The following BMP7 variants were observed in gnomAD, a reference collection of about 807,000 sequenced individuals.
BMP7 encodes the protein osteogenic protein 1.
Under a neutral mutation model 41.2 loss-of-function variants are expected in BMP7, and 12 were observed. The observed-to-expected ratio is 0.29, with a 90% CI of 0.19 to 0.47. The LOEUF (loss-of-function observed/expected upper bound fraction) is 0.47. Among genes scored for constraint, BMP7 ranks in the 20% least tolerant of loss-of-function variants. The probability of loss-of-function intolerance (pLI) is 0.99; values close to 1 mark genes in which losing one functional copy is unlikely to be tolerated. For missense variants in BMP7, 467 were observed against 606.0 expected (o/e 0.77, Z 2.41); for synonymous variants, 248 against 250.0 (o/e 0.99, Z 0.07).
At chr20:57,216,476 C>G (rs1022985676) in intron 2 of BMP7, among the ~76,000 whole-genome samples, 6 of 151,908 alleles carry the variant, frequency 3.9e-5, no homozygotes, top group Admixed American at 2.6e-4. Flanking sequence ...AGGGGTGCAC[C>G]TGAGGACGAG....
chr20:57,174,874 T>G lies in BMP7; in HGVS notation c.1035+57A>C, dbSNP rs1983887079. The G allele has an allele frequency of 1.3e-6, 2 of 1,547,918 alleles. No individual in the cohort carries two copies. The highest frequency in any genetic ancestry group is 2.3e-5 in the East Asian group (1 of 43,112). On this transcript the variant is annotated intron_variant, in intron 5 of 6. Coordinates refer to ENST00000395863, the MANE Select transcript of BMP7 (RefSeq NM_001719.3). This position sits in a 1 kb window ranked among gnomAD's most constrained non-coding sequence, Gnocchi z 4.3. ...CAAGACTGAGCACAGACCCGCTGCCTCGTGGGAGCCCACGCCAGAGGGCCC... is the reference window on the plus strand; with the variant it reads ...CAAGACTGAGCACAGACCCGCTGCCGCGTGGGAGCCCACGCCAGAGGGCCC...
At chr20:57,237,745 G>A (rs533190813) in intron 1 of BMP7, among the ~76,000 whole-genome samples, 1 of 152,310 alleles carries the variant, frequency 6.6e-6, no homozygotes, top group Admixed American at 6.5e-5. Context: ...CCTAGAAGTT[G>A]ACAATGATAC....
chr20:57,192,560 G>C (rs1424095740), intron 3 of BMP7, among the ~76,000 whole-genome samples: 1 of 151,644 alleles, frequency 6.6e-6, no homozygotes, highest in Non-Finnish European at 1.5e-5. Flanking sequence ...AGTCACACTG[G>C]CTAGGGAGCC....
At chr20:57,202,443 G>A in intron 3 of BMP7, 32 bp downstream of exon 3, 1 of 1,599,136 alleles carries the variant, frequency 6.3e-7, no homozygotes, top group Non-Finnish European at 8.5e-7. Context: ...AGCACAGGCT[G>A]CATTAGGACT....
intron 3 of BMP7, among the ~76,000 whole-genome samples, chr20:57,190,550 C>T (rs533002244): frequency 9.2e-5 from 14 of 151,738 alleles, no homozygotes; most frequent in Admixed American, 8.5e-4. Flanking sequence ...TGGGGTCTCC[C>T]AGCCCAGTGG....
intron 1 of BMP7, among the ~76,000 whole-genome samples, chr20:57,230,172 C>T (rs992259302): frequency 1.1e-4 from 16 of 152,330 alleles, no homozygotes; most frequent in African/African-American, 3.8e-4. Flanking sequence ...GACAGCTCTG[C>T]TTGTCACAAC....
chr20:57,239,145 C>T (rs941782076), intron 1 of BMP7, among the ~76,000 whole-genome samples: 1 of 152,226 alleles, frequency 6.6e-6, no homozygotes, highest in African/African-American at 2.4e-5. Flanking sequence ...CAAGTCCCTT[C>T]TGCCTATGAG....
At chr20:57,184,065 G>T in intron 3 of BMP7, 146 bp from the exon 4 acceptor site, 1 of 956,770 alleles carries the variant, frequency 1.0e-6, no homozygotes, top group Non-Finnish European at 1.6e-6. Flanking sequence ...ACTCACTCTA[G>T]GCCAGGTACT....
chr20:57,254,160 C>T (rs1320113478), intron 1 of BMP7, among the ~76,000 whole-genome samples: 2 of 150,732 alleles, frequency 1.3e-5, no homozygotes, highest in Non-Finnish European at 1.5e-5. Context: ...GTAGCTGGGA[C>T]TAAAGGTGTG....
chr20:57,232,453 G>A (rs551469764), intron 1 of BMP7, among the ~76,000 whole-genome samples: 4 of 152,258 alleles, frequency 2.6e-5, no homozygotes, highest in East Asian at 3.9e-4. Context: ...ATAAAGATAC[G>A]TTTGAATAAG....
chr20:57,206,286 G>A (rs1568714361), intron 2 of BMP7, among the ~76,000 whole-genome samples: 1 of 152,180 alleles, frequency 6.6e-6, no homozygotes, highest in Non-Finnish European at 1.5e-5. Context: ...CCACTGCTGA[G>A]AATCTCGGTG....
chr20:57,203,564 A>G (rs879403517), intron 2 of BMP7, among the ~76,000 whole-genome samples: 5 of 152,054 alleles, frequency 3.3e-5, no homozygotes, highest in Non-Finnish European at 2.9e-5. Flanking sequence ...TGGATGGATG[A>G]ATGGGTAGAT....
intron 1 of BMP7, among the ~76,000 whole-genome samples, chr20:57,235,014 G>A (rs1202028869): frequency 1.3e-5 from 2 of 152,256 alleles, no homozygotes; most frequent in Non-Finnish European, 1.5e-5. Flanking sequence ...AAGTCGTCCC[G>A]ACAGGGGTCC....
chr20:57,254,653 AAAAAAAAC>A (rs1009728300), intron 1 of BMP7, among the ~76,000 whole-genome samples: 2 of 151,920 alleles, frequency 1.3e-5, no homozygotes, highest in African/African-American at 2.4e-5. Flanking sequence ...ACAGTAAAAA[AAAAAAAAC>A]AAAAAACAAA....
intron 1 of BMP7, among the ~76,000 whole-genome samples, chr20:57,264,509 G>A (rs2066166517): frequency 6.6e-6 from 1 of 152,174 alleles, no homozygotes; most frequent in African/African-American, 2.4e-5. Context: ...GAGAATGTGC[G>A]CGCACATATG....
intron 6 of BMP7, among the ~76,000 whole-genome samples, chr20:57,172,207 C>T (rs1483064765): frequency 6.6e-6 from 1 of 152,188 alleles, no homozygotes; most frequent in African/African-American, 2.4e-5. Context: ...CAGCACAGCA[C>T]ATCCAGGCCA....
intron 3 of BMP7, among the ~76,000 whole-genome samples, chr20:57,186,757 C>T (rs997048703): frequency 1.3e-5 from 2 of 152,170 alleles, no homozygotes; most frequent in African/African-American, 2.4e-5. Flanking sequence ...TCAAGAAACC[C>T]AGCCTCCCAG....
In BMP7 at chr20:57,212,565, C is replaced by A. The variant is rs1600626141; in HGVS notation, c.612-9942G>T. Among the ~76,000 whole-genome samples, 3 of 152,312 alleles carry A rather than the reference C, an allele frequency of 2.0e-5. No homozygotes were observed. The South Asian group carries it at 6.2e-4, about 32-fold the overall frequency. On this transcript the variant is annotated intron_variant, in intron 2 of 6. Coordinates refer to ENST00000395863, the MANE Select transcript of BMP7 (RefSeq NM_001719.3). The stretch of plus-strand genomic sequence containing the variant: ...ATTCTGAAGGCCTGCATGTTGTGAA[C>A]GGTTGCTGGGCCGCAAGGATATTCC...
chr20:57,176,926 G>A (rs187221879), intron 4 of BMP7, among the ~76,000 whole-genome samples: 47 of 152,266 alleles, frequency 3.1e-4, no homozygotes, highest in African/African-American at 1.1e-3. Flanking sequence ...ATAGCTTCTA[G>A]GATAATGAGA....
Sources: allele counts gnomAD v4.1 joint callset (sites outside exome capture counted in the v4.1 genomes callset), GRCh38; gene constraint gnomAD v4.1.1; non-coding constraint Gnocchi (gnomAD v3.1); transcripts MANE v1.5; gene names NCBI Gene and HGNC (gene_info 2026-07-23, HGNC 2026-07-21).